IWS1: variants seen among roughly 807,000 people sequenced by gnomAD.
IWS1 encodes the protein interacts with SUPT6H, CTD assembly factor 1, also known as protein IWS1 homolog.
In IWS1, 27 loss-of-function variants were observed where a neutral mutation model predicts 86.7. The ratio of observed to expected loss-of-function variants is 0.31; its 90% CI spans 0.23 to 0.43. The LOEUF (loss-of-function observed/expected upper bound fraction) is 0.43. Among genes scored for constraint, IWS1 ranks in the 20% least tolerant of loss-of-function variants. The pLI is 1.00. For synonymous variants in IWS1, 313 were observed against 335.1 expected (o/e 0.93, Z 0.72); for missense variants, 827 against 1,000.8 (o/e 0.83, Z 2.34).
intron 5 of IWS1, among the ~76,000 whole-genome samples, chr2:127,501,093 T>C (rs1410184850): frequency 6.6e-6 from 1 of 152,192 alleles, no homozygotes; most frequent in Non-Finnish European, 1.5e-5. Flanking sequence ...ACACATACTT[T>C]TGTTGCTCTT....
At chr2:127,522,340 C>A (rs1251944543) in intron 2 of IWS1, among the ~76,000 whole-genome samples, 1 of 152,178 alleles carries the variant, frequency 6.6e-6, no homozygotes, top group African/African-American at 2.4e-5. Context: ...CTATTTAACA[C>A]CAAAGCCTGC....
chr2:127,495,090 G>T (rs2104676658), intron 7 of IWS1, 136 bp from the exon 8 acceptor site: 1 of 570,356 alleles, frequency 1.8e-6, no homozygotes, highest in African/African-American at 1.9e-5. Flanking sequence ...AATTTAAGAT[G>T]GATCTTCTGC....
At chr2:127,483,126 G>A (rs1689721092) in intron 13 of IWS1, among the ~76,000 whole-genome samples, 1 of 151,392 alleles carries the variant, frequency 6.6e-6, no homozygotes, top group African/African-American at 2.4e-5. Context: ...ATTAAGTTGT[G>A]GTGGGATTAC....
At chr2:127,486,176 G>C (rs898256781) in intron 13 of IWS1, 1 of 188,070 alleles carries the variant, frequency 5.3e-6, no homozygotes, top group Non-Finnish European at 1.1e-5. Flanking sequence ...TGAAGAGAAA[G>C]GGAGAGGTAG....
Position 127,489,290 on chromosome 2 carries a change from A to G in IWS1, c.2160-55T>C. 1 of 1,288,262 alleles carries G rather than the reference A, an allele frequency of 7.8e-7. No individual in the cohort carries two copies. Among genetic ancestry groups the G allele is most frequent in the Non-Finnish European group, 1.1e-6 (1 of 900,308 alleles). 79.8% of individuals were successfully genotyped at this position (1,288,262 alleles called of 1,614,324 possible). ...GGAATATTAGAACCTAATAACTCAG[A>G]AAAAGAGCAAACTAAAAATCAAACT... On this transcript the variant is annotated intron_variant, in intron 11 of 13. Transcript: ENST00000295321. This position sits in a 1 kb window ranked among gnomAD's most constrained non-coding sequence, Gnocchi z 4.8.
At chr2:127,491,887 G>GT in intron 10 of IWS1, 84 bp downstream of exon 10, 1 of 821,462 alleles carries the variant, frequency 1.2e-6, no homozygotes, top group Non-Finnish European at 2.1e-6. Context: ...AACAAATACT[G>GT]GTAAAAATAC....
upstream of IWS1, chr2:127,526,776 A>G: frequency 2.0e-6 from 2 of 1,000,794 alleles, no homozygotes; most frequent in East Asian, 1.2e-4. Flanking sequence ...TGCTCAAATG[A>G]CTTTTCCGTC....
rs1348013645 is a variant in IWS1, at chr2:127,499,941, C to T, written c.1468-1704G>A. ...ATAAGGAAAAAAATCTTGACTCTTA[C>T]CTCATACCACATACGAAACCAATTC... On this transcript the variant is annotated intron_variant, in intron 5 of 13. Transcript: ENST00000295321. The surrounding 1 kb of genome is among the most constrained non-coding windows in gnomAD (Gnocchi z 4.0). 6.6e-6 allele frequency among the ~76,000 whole-genome samples: 1 copy of T among 152,116 alleles called. No individual in the cohort carries two copies. Among genetic ancestry groups the T allele is most frequent in the Non-Finnish European group, 1.5e-5 (1 of 67,994 alleles).
chr2:127,514,813 A>G (rs1258456649), intron 2 of IWS1: 1 of 152,206 alleles, frequency 6.6e-6, no homozygotes, highest in Non-Finnish European at 1.5e-5. Flanking sequence ...TTGCCATTCC[A>G]TACCTGTCTT....
At chr2:127,484,216 G>A (rs893591967) in intron 13 of IWS1, among the ~76,000 whole-genome samples, 7 of 152,322 alleles carry the variant, frequency 4.6e-5, no homozygotes, top group Non-Finnish European at 7.3e-5. Context: ...GGAGGCTGAG[G>A]CGGGAGAATG....
At chr2:127,485,369 G>A (rs987428874) in intron 13 of IWS1, among the ~76,000 whole-genome samples, 2 of 152,052 alleles carry the variant, frequency 1.3e-5, no homozygotes, top group Non-Finnish European at 2.9e-5. Flanking sequence ...CAGTGAGTTG[G>A]GCTTATGAAT....
At chr2:127,486,453 G>C in intron 13 of IWS1, 100 bp downstream of exon 13, 1 of 855,648 alleles carries the variant, frequency 1.2e-6, no homozygotes, top group South Asian at 1.5e-5. Flanking sequence ...CTCTGAATCA[G>C]ACAAACTTCA....
intron 2 of IWS1, among the ~76,000 whole-genome samples, chr2:127,519,218 C>G (rs1691950720): frequency 6.6e-6 from 1 of 152,140 alleles, no homozygotes; most frequent in South Asian, 2.1e-4. Flanking sequence ...AACAAGCTAC[C>G]TAGACAGAAA....
Position 127,489,289 on chromosome 2 carries a change from G to C in IWS1, c.2160-54C>G, listed in dbSNP as rs1055538055. ...AGGAATATTAGAACCTAATAACTCAGAAAAAGAGCAAACTAAAAATCAAAC... is the reference window on the plus strand; with the variant it reads ...AGGAATATTAGAACCTAATAACTCACAAAAAGAGCAAACTAAAAATCAAAC... On this transcript the variant is annotated intron_variant, in intron 11 of 13. Coordinates refer to ENST00000295321, the MANE Select transcript of IWS1 (RefSeq NM_017969.3). This position sits in a 1 kb window ranked among gnomAD's most constrained non-coding sequence, Gnocchi z 4.8. The C allele has an allele frequency of 3.1e-6, 4 of 1,304,898 alleles. No homozygotes were observed. In the African/African-American group the frequency reaches 5.9e-5, roughly 19 times the overall value. 80.8% of individuals were successfully genotyped at this position (1,304,898 alleles called of 1,614,324 possible).
rs11451463 is a variant in IWS1, at chr2:127,483,463, T to TAA, written c.2329-2290_2329-2289dup. Among the ~76,000 whole-genome samples, 15 of 140,702 alleles carry TAA rather than the reference T, an allele frequency of 1.1e-4. No homozygotes were observed. The East Asian group carries it at 1.7e-3, about 15-fold the overall frequency. 92.3% of individuals were successfully genotyped at this position (140,702 alleles called of 152,430 possible). A position where few individuals can be genotyped will look rare whatever the true frequency, so the allele number is the denominator to read the frequency against. ...CTCTACAAAGAAAGAAAATACATAA[T>TAA]AAAAAAAAAAGCAAATTATATTCAG... On this transcript the variant is annotated intron_variant, in intron 13 of 13. Coordinates refer to ENST00000295321, the MANE Select transcript of IWS1 (RefSeq NM_017969.3).
chr2:127,503,616 C>A lies in IWS1; in HGVS notation c.1220-40G>T, dbSNP rs780718088. ...AATCATCATTAATTTTATTTTATCA[C>A]AGCCATTGTATTACTAAGCATAACA... On this transcript the variant is annotated intron_variant, in intron 3 of 13. Transcript: ENST00000295321. 1.1e-5 allele frequency: 17 copies of A among 1,501,500 alleles called. No individual in the cohort carries two copies. The East Asian group carries it at 3.7e-4, about 33-fold the overall frequency. 93.0% of individuals were successfully genotyped at this position (1,501,500 alleles called of 1,614,324 possible).
chr2:127,526,340 C>T lies in IWS1; in HGVS notation c.-132G>A. The T allele has an allele frequency of 6.5e-7, 1 of 1,538,310 alleles. No individual in the cohort carries two copies. Among genetic ancestry groups the T allele is most frequent in the Admixed American group, 2.0e-5 (1 of 50,986 alleles). On this transcript the variant is annotated 5_prime_UTR_variant, in exon 1 of 14. Coordinates refer to ENST00000295321, the MANE Select transcript of IWS1 (RefSeq NM_017969.3). ...GCCCGACCGGAGAACTTAACGGGTG[C>T]GGAGGGTAAGAAAGCGGTAGCGGCA...
At chr2:127,508,095 G>C (rs1213788920) in intron 2 of IWS1, among the ~76,000 whole-genome samples, 1 of 152,154 alleles carries the variant, frequency 6.6e-6, no homozygotes, top group Non-Finnish European at 1.5e-5. Flanking sequence ...TTTGTTAAAT[G>C]AGTAATAAAG....
chr2:127,500,493 T>C (rs1690744945), intron 5 of IWS1, among the ~76,000 whole-genome samples: 1 of 152,162 alleles, frequency 6.6e-6, no homozygotes, highest in Non-Finnish European at 1.5e-5. Context: ...AAGTACTTTT[T>C]TTTGCCTTAA....
Sources: gnomAD v4.1 joint callset for allele counts (sites outside exome capture counted in the v4.1 genomes callset) on GRCh38, gnomAD v4.1.1 for gene constraint, Gnocchi (gnomAD v3.1) non-coding constraint, MANE v1.5 for transcripts, NCBI Gene and HGNC (gene_info 2026-07-23, HGNC 2026-07-21) for gene names.